The following MUC12 variants were observed in gnomAD, a reference collection of about 807,000 sequenced individuals.
The protein encoded by MUC12 is mucin 12, cell surface associated.
MUC12 carries 172 observed loss-of-function variants against 230.8 expected under a neutral mutation model. The observed-to-expected ratio is 0.75, with a 90% CI of 0.66 to 0.85. The LOEUF (loss-of-function observed/expected upper bound fraction) is 0.85. Ranked by LOEUF, MUC12 falls within the 40% of genes least tolerant of loss-of-function variation. MUC12 has a pLI of 0.00. For synonymous variants in MUC12, 1,259 were observed against 2,401.9 expected (o/e 0.52, Z 13.91); for missense variants, 3,506 against 5,920.6 (o/e 0.59, Z 13.38).
At chr7:100,986,627 C>T (rs746168891) in intron 1 of MUC12, among the ~76,000 whole-genome samples, 16 of 152,196 alleles carry the variant, frequency 1.1e-4, no homozygotes, top group African/African-American at 3.6e-4. Flanking sequence ...TAGCCTCTCC[C>T]TGTGACTGTG....
rs1377082173 is a variant in MUC12, at chr7:100,994,559, A to G, written c.3996A>G (p.Pro1332=). The change falls in exon 2 of 12, where the codon CCA becomes CCG. Residue 1332 remains proline (P), a synonymous_variant. Transcript: ENST00000536621. Reference sequence around the variant, plus strand: ...AATCCAGCACATCCCACAGTCAACCAGGCTCAACGCACACAACAGCATTCC... The same window carrying G: ...AATCCAGCACATCCCACAGTCAACCGGGCTCAACGCACACAACAGCATTCC... ...SEESSTSHSQ[P]GSTHTTAFPD... is the part of the protein sequence containing the mutation. 8.1e-7 allele frequency: 1 copy of G among 1,239,636 alleles called. No homozygotes were observed. The highest frequency in any genetic ancestry group is 2.8e-5 in the East Asian group (1 of 36,180). The allele number at this position is 1,239,636 out of a possible 1,614,324, so 76.8% of individuals were successfully genotyped here.
At position 100,969,666 on chromosome 7, in the gene MUC12, C is replaced by A; in HGVS notation, c.44C>A (p.Ala15Glu). The change falls in exon 1 of 12, where the codon GCG becomes GAG. Residue 15 changes from alanine (A) to glutamate (E), a missense_variant. Transcript: ENST00000536621. ...CTGACGCTGGCTCTCCGGCTCTGCGCGTCCGTTACTACAGTGACACCAGGT... is the reference window on the plus strand; with the variant it reads ...CTGACGCTGGCTCTCCGGCTCTGCGAGTCCGTTACTACAGTGACACCAGGT... ...WILTLALRLCASVTTVTPGST... is the reference protein window; with the variant it reads ...WILTLALRLCESVTTVTPGST... 1.3e-6 allele frequency: 2 copies of A among 1,537,438 alleles called. No homozygotes were observed. Among genetic ancestry groups the A allele is most frequent in the Non-Finnish European group, 1.7e-6 (2 of 1,146,944 alleles).
At position 101,012,379 on chromosome 7, in the gene MUC12, C is replaced by T. The variant is rs1232498581; in HGVS notation, c.15335C>T (p.Ala5112Val). 15 of 1,537,596 alleles carry T rather than the reference C, an allele frequency of 9.8e-6. No homozygotes were observed. Among genetic ancestry groups the T allele is most frequent in the African/African-American group, 1.4e-5 (1 of 73,032 alleles). The change falls in exon 6 of 12, where the codon GCA (alanine) becomes GTA (valine). Residue 5112 changes from alanine (A) to valine (V), a missense_variant. Physicochemically the swap from Ala to Val is moderately conservative, Grantham distance 64. Coordinates refer to ENST00000536621, the MANE Select transcript of MUC12 (RefSeq NM_001164462.2). The stretch of plus-strand genomic sequence containing the variant: ...TATGAGGAACTGTTTGAAAACCTGG[C>T]AGAGATTGTAAAGGCCAAGATTATG... ...LEYEELFENLAEIVKAKIMNE... is the reference protein window; with the variant it reads ...LEYEELFENLVEIVKAKIMNE...
At chr7:101,014,844 C>T (rs1793892209) in intron 9 of MUC12, among the ~76,000 whole-genome samples, 1 of 151,964 alleles carries the variant, frequency 6.6e-6, no homozygotes, top group Non-Finnish European at 1.5e-5. Context: ...AATAGGGTCT[C>T]ACTATATTGC....
chr7:100,990,492 C>G, intron 1 of MUC12, 139 bp from the exon 2 acceptor site: 1 of 1,049,346 alleles, frequency 9.5e-7, no homozygotes, highest in Non-Finnish European at 1.4e-6. Context: ...TTCCTATGCC[C>G]CCAAAAGGGA....
Position 100,991,066 on chromosome 7 carries a change from C to G in MUC12, c.503C>G (p.Ser168Cys). The G allele has an allele frequency of 6.5e-7, 1 of 1,537,588 alleles. No individual in the cohort carries two copies. The highest frequency in any genetic ancestry group is 8.7e-7 in the Non-Finnish European group (1 of 1,146,842). ...SSGVSEKSTT[S>C]HSRPGPTHTI... ...GGCGTCAGTGAAAAATCAACCACCT[C>G]CCACAGCCGACCAGGCCCAACGCAC... Residue 168 changes from serine (S) to cysteine (C), a missense_variant, in exon 2 of 12, where the codon TCC becomes TGC. Physicochemically the swap from Ser to Cys is moderately radical, Grantham distance 112 (BLOSUM62 -1). Transcript: ENST00000536621.
In MUC12 at chr7:100,993,958, C is replaced by T; in HGVS notation, c.3395C>T (p.Ser1132Phe). ...SLGVGEESTT[S>F]RSQPGSTHST... ...GGCGTCGGTGAAGAATCCACCACCTCCCGTAGCCAACCAGGTTCTACTCAC... is the reference window on the plus strand; with the variant it reads ...GGCGTCGGTGAAGAATCCACCACCTTCCGTAGCCAACCAGGTTCTACTCAC... The change falls in exon 2 of 12, where the codon TCC (serine) becomes TTC (phenylalanine). Residue 1132 changes from serine to phenylalanine, a missense_variant. Ser to Phe is a radical substitution (Grantham distance 155). Transcript: ENST00000536621. 7.2e-7 allele frequency: 1 copy of T among 1,395,954 alleles called. No homozygotes were observed. The highest frequency in any genetic ancestry group is 9.4e-7 in the Non-Finnish European group (1 of 1,061,972). 86.5% of individuals were successfully genotyped at this position (1,395,954 alleles called of 1,614,324 possible). A position where few individuals can be genotyped will look rare whatever the true frequency, so the allele number is the denominator to read the frequency against.
rs1045199397 is a variant in MUC12 at position 101,017,634 on chromosome 7, A to C, written c.15937A>C (p.Thr5313Pro). 2.0e-6 allele frequency: 3 copies of C among 1,535,446 alleles called. No homozygotes were observed. The highest frequency in any genetic ancestry group is 2.8e-5 in the African/African-American group (2 of 72,678). The change falls in exon 11 of 12, where the codon ACC becomes CCC. Residue 5313 changes from threonine (T) to proline (P), a missense_variant. Physicochemically the swap from Thr to Pro is conservative, Grantham distance 38. Coordinates refer to ENST00000536621, the MANE Select transcript of MUC12 (RefSeq NM_001164462.2). ...GAACGCCTACAACAACTTCCGGCCC[A>C]CCCTGGAGACTGTTGACTCTGGCAC... ...LENAYNNFRP[T>P]LETVDSGTEL...
intron 10 of MUC12, chr7:101,017,218 C>T (rs931125005): frequency 5.3e-5 from 11 of 207,908 alleles, no homozygotes; most frequent in Middle Eastern, 3.3e-3. Context: ...GTTACCGTTG[C>T]TATGAAGGAG....
At chr7:100,979,595 C>T (rs2116273318) in intron 1 of MUC12, among the ~76,000 whole-genome samples, 1 of 152,186 alleles carries the variant, frequency 6.6e-6, no homozygotes, top group East Asian at 1.9e-4. Flanking sequence ...TCCTGGCCAA[C>T]ATGGTGAAAC....
Position 101,017,560 on chromosome 7 carries a change from G to C in MUC12, c.15878-15G>C. 1 of 1,517,680 alleles carries C rather than the reference G, an allele frequency of 6.6e-7. No individual in the cohort carries two copies. Among genetic ancestry groups the C allele is most frequent in the Non-Finnish European group, 8.8e-7 (1 of 1,131,742 alleles). The allele number at this position is 1,517,680 out of a possible 1,614,324, so 94.0% of individuals were successfully genotyped here. On this transcript the variant is annotated splice_polypyrimidine_tract_variant and intron_variant, in intron 10 of 11. Transcript: ENST00000536621. ...TACCAAGGCTCCCATCACTCATCACGGCCTCTCCCTACAGACCAGAATCTG... is the reference window on the plus strand; with the variant it reads ...TACCAAGGCTCCCATCACTCATCACCGCCTCTCCCTACAGACCAGAATCTG...
chr7:100,969,572 G>T lies in MUC12; in HGVS notation c.-51G>T. Reference sequence around the variant, plus strand: ...CCTTCCTGGGAGGCCTTCATTTCTTGGTCCCTCCTGATGAGAGAAGATGGG... The same window carrying T: ...CCTTCCTGGGAGGCCTTCATTTCTTTGTCCCTCCTGATGAGAGAAGATGGG... On this transcript the variant is annotated 5_prime_UTR_variant, in exon 1 of 12. Coordinates refer to ENST00000536621, the MANE Select transcript of MUC12 (RefSeq NM_001164462.2). 6.5e-7 allele frequency: 1 copy of T among 1,537,144 alleles called. No homozygotes were observed. The highest frequency in any genetic ancestry group is 1.2e-5 in the South Asian group (1 of 84,050).
chr7:100,973,001 C>A (rs1792940427), intron 1 of MUC12: 1 of 702,992 alleles, frequency 1.4e-6, no homozygotes, highest in Non-Finnish European at 2.6e-6. Flanking sequence ...GGGGCATCTG[C>A]TGGATGGAGC....
intron 5 of MUC12, among the ~76,000 whole-genome samples, chr7:101,009,594 A>G (rs1793810581): frequency 6.6e-6 from 1 of 152,208 alleles, no homozygotes; most frequent in African/African-American, 2.4e-5. Flanking sequence ...ATGCTTTGGG[A>G]GGCCAATGGG....
chr7:101,012,991 C>T lies in MUC12; in HGVS notation c.15487C>T (p.Gln5163Ter), dbSNP rs1383013192. 2 of 1,537,206 alleles carry T rather than the reference C, an allele frequency of 1.3e-6. No individual in the cohort carries two copies. The highest frequency in any genetic ancestry group is 4.9e-5 in the East Asian group (2 of 40,932). ...PGFDFQEQCT[Q>*]KAAEGYTQFY... ...CCCCTCTCCCTCAGAGCAATGCACCCAGAAGGCTGCCGAAGGATATACCCA... is the reference window on the plus strand; with the variant it reads ...CCCCTCTCCCTCAGAGCAATGCACCTAGAAGGCTGCCGAAGGATATACCCA... The change falls in exon 8 of 12, where the codon CAG (glutamine) becomes TAG (stop). Residue 5163 changes from glutamine to a stop codon, truncating the protein, a stop_gained. Transcript: ENST00000536621. LOFTEE classifies it high-confidence loss of function.
intron 1 of MUC12, among the ~76,000 whole-genome samples, chr7:100,975,221 T>A (rs1380751004): frequency 6.6e-6 from 1 of 152,306 alleles, no homozygotes; most frequent in East Asian, 1.9e-4. Flanking sequence ...CTGTTTTATG[T>A]ACATGAAGTT....
At chr7:101,017,763 C>CCT (rs201894617) in intron 11 of MUC12, 100 bp downstream of exon 11, 5 of 835,734 alleles carry the variant, frequency 6.0e-6, no homozygotes, top group East Asian at 5.8e-5. Flanking sequence ...GGACTCCCTT[C>CCT]TCCCCCTGGG....
rs745530781 is a variant in MUC12, at chr7:101,004,683, G to T, written c.14120G>T (p.Arg4707Leu). 90 of 1,537,482 alleles carry T rather than the reference G, an allele frequency of 5.9e-5. No individual in the cohort carries two copies. The highest frequency in any genetic ancestry group is 7.5e-5 in the Non-Finnish European group (86 of 1,146,990). Residue 4707 changes from arginine to leucine, a missense_variant, in exon 2 of 12, where the codon CGC (arginine) becomes CTC (leucine). Physicochemically the swap from Arg to Leu is moderately radical, Grantham distance 102. Transcript: ENST00000536621. ...CCTGCCCATTTTACTACCTCAGGCC[G>T]CATTGCAGAATCTACCACCTTCTAT... is the stretch of plus-strand genomic sequence containing the variant. ...PLPAHFTTSG[R>L]IAESTTFYIS...
rs199863312 is a variant in MUC12, at chr7:100,970,994, C to CA, written c.67+1317dup. Reference sequence around the variant, plus strand: ...CCTGGGCGACAGCGAGACTCCGTCTCAAAAAAAAAAAATTAGCTGGGCATG... The same window carrying CA: ...CCTGGGCGACAGCGAGACTCCGTCTCAAAAAAAAAAAAATTAGCTGGGCATG... On this transcript the variant is annotated intron_variant, in intron 1 of 11. Transcript: ENST00000536621. Among the ~76,000 whole-genome samples the CA allele has an allele frequency of 3.0e-3, 390 of 128,374 alleles. 2 individuals carry two copies. The highest frequency in any genetic ancestry group is 7.3e-3 in the African/African-American group (249 of 34,330). 84.2% of individuals were successfully genotyped at this position (128,374 alleles called of 152,430 possible).
Sources: gnomAD v4.1 joint callset for allele counts (sites outside exome capture counted in the v4.1 genomes callset) on GRCh38, gnomAD v4.1.1 for gene constraint, MANE v1.5 for transcripts, NCBI Gene and HGNC (gene_info 2026-07-23, HGNC 2026-07-21) for gene names.